Variants in MEPE observed in about 807,000 individuals in gnomAD.
MEPE encodes matrix extracellular phosphoglycoprotein, also known as matrix, extracellular phosphoglycoprotein with ASARM motif (bone).
In MEPE, 7 loss-of-function variants were observed where a neutral mutation model predicts 7.3. The observed-to-expected ratio is 0.95, with a 90% confidence interval of 0.54 to 1.79. The LOEUF (loss-of-function observed/expected upper bound fraction) is 1.79. Among genes scored for constraint, MEPE ranks in the 40% most tolerant of loss-of-function variants. The pLI is 0.00. For synonymous variants in MEPE, 214 were observed against 213.1 expected, an observed-to-expected ratio of 1.00 and a Z score of -0.04; for missense variants, 623 against 628.2, an observed-to-expected ratio of 0.99 and a Z score of 0.09.
At chr4:87,829,381 T>C (rs553275271), upstream of MEPE, among the ~76,000 whole-genome samples, 74 of 151,740 alleles carry the variant, frequency 4.9e-4, no homozygotes, top group African/African-American at 1.5e-3. Context: ...TAAAACTCTA[T>C]AAATTTTCTT....
chr4:87,839,697 G>T, intron 3 of MEPE: 3 of 1,549,554 alleles, frequency 1.9e-6, no homozygotes, highest in Non-Finnish European at 2.6e-6. Context: ...AACATACAAG[G>T]GTCACTATGA....
chr4:87,833,609 GT>G (rs1246323359), intron 1 of MEPE, among the ~76,000 whole-genome samples: 2 of 152,068 alleles, frequency 1.3e-5, no homozygotes, highest in Admixed American at 1.3e-4. Flanking sequence ...ATAAAAACAA[GT>G]TTTTCTTCAA....
At position 87,838,658 on chromosome 4, in the gene MEPE, T is replaced by C; in HGVS notation, c.81T>C (p.Thr27=). 1 of 1,613,602 alleles carries C rather than the reference T, an allele frequency of 6.2e-7. No individual in the cohort carries two copies. Among genetic ancestry groups the C allele is most frequent in the Non-Finnish European group, 8.5e-7 (1 of 1,179,612 alleles). ...APTFQPQTEK[T]KQSCVEEQRQ... is the part of the protein sequence containing the mutation. Reference sequence around the variant, plus strand: ...CATTTCAACCACAGACTGAGAAAACTAAGCAAAGCTGTGTGGAAGAGCAGA... The same window carrying C: ...CATTTCAACCACAGACTGAGAAAACCAAGCAAAGCTGTGTGGAAGAGCAGA... The change falls in exon 3 of 4, where the codon ACT becomes ACC. Residue 27 remains threonine, a synonymous_variant. Coordinates refer to ENST00000361056, the MANE Select transcript of MEPE (RefSeq NM_020203.6).
chr4:87,834,890 C>T (rs1722723945), intron 2 of MEPE, 122 bp downstream of exon 2: 1 of 783,326 alleles, frequency 1.3e-6, no homozygotes, highest in Admixed American at 2.9e-5. Context: ...TTAAAAAGAA[C>T]CAAGCAAACA....
In MEPE at chr4:87,845,685, G is replaced by A. The variant is rs149160298; in HGVS notation, c.817G>A (p.Gly273Ser). ...KDIPGKGEAT[G>S]PDLEGKDIQT... ...CATTCCTGGTAAAGGAGAAGCTACT[G>A]GTCCTGACCTAGAAGGCAAAGATAT... is the stretch of plus-strand genomic sequence containing the variant. Residue 273 changes from glycine (G) to serine (S), a missense_variant, in exon 4 of 4, where the codon GGT becomes AGT. Coordinates refer to ENST00000361056, the MANE Select transcript of MEPE (RefSeq NM_020203.6). 29 of 1,613,634 alleles carry A rather than the reference G, an allele frequency of 1.8e-5. No homozygotes were observed. The highest frequency in any genetic ancestry group is 1.5e-4 in the Admixed American group (9 of 59,930).
At chr4:87,829,317 C>G (rs1435557589), upstream of MEPE, among the ~76,000 whole-genome samples, 1 of 152,050 alleles carries the variant, frequency 6.6e-6, no homozygotes, top group African/African-American at 2.4e-5. Flanking sequence ...GTATATTTAG[C>G]TACTGCCAGT....
intron 3 of MEPE, among the ~76,000 whole-genome samples, chr4:87,843,096 C>T (rs569717794): frequency 6.6e-6 from 1 of 152,228 alleles, no homozygotes; most frequent in East Asian, 1.9e-4. Context: ...GCTTGGGCAC[C>T]AGAAGAAGGG....
chr4:87,845,162 A>G lies in MEPE; in HGVS notation c.294A>G (p.Lys98=). 1.9e-6 allele frequency: 3 copies of G among 1,613,752 alleles called. No homozygotes were observed. The highest frequency in any genetic ancestry group is 1.1e-5 in the South Asian group (1 of 91,002). Residue 98 remains lysine, a synonymous_variant, in exon 4 of 4, where the codon AAA becomes AAG. Coordinates refer to ENST00000361056, the MANE Select transcript of MEPE (RefSeq NM_020203.6). Reference sequence around the variant, plus strand: ...TCACAAATAGACAGAGACTGAATAAAGAATATAGTATCAGTAACAAAGAGA... The same window carrying G: ...TCACAAATAGACAGAGACTGAATAAGGAATATAGTATCAGTAACAAAGAGA... ...NYFTNRQRLN[K]EYSISNKENT... is the part of the protein sequence containing the mutation.
rs1367814174 is a variant in MEPE at position 87,846,708 on chromosome 4, T to C, written c.*262T>C. On this transcript the variant is annotated 3_prime_UTR_variant, in exon 4 of 4. Transcript: ENST00000361056. ...TAGGTAACATTTGAGTAGGTGTCAT[T>C]TAAAAATAGTTGGTGAATGTCACAA... The C allele has an allele frequency of 1.0e-5, 4 of 383,318 alleles. No homozygotes were observed. Among genetic ancestry groups the C allele is most frequent in the Non-Finnish European group, 1.9e-5 (4 of 215,400 alleles). The allele number at this position is 383,318 out of a possible 1,614,324, so 23.7% of individuals were successfully genotyped here.
chr4:87,835,931 G>A (rs1374612245), intron 2 of MEPE, among the ~76,000 whole-genome samples: 1 of 152,068 alleles, frequency 6.6e-6, no homozygotes, highest in Non-Finnish European at 1.5e-5. Context: ...TTGATTCAGT[G>A]ACCACTGATC....
intron 3 of MEPE, among the ~76,000 whole-genome samples, chr4:87,843,343 G>T (rs1014149156): frequency 1.3e-5 from 2 of 152,104 alleles, no homozygotes; most frequent in Non-Finnish European, 2.9e-5. Context: ...CACTCTGTTT[G>T]TCTGTGCAGA....
At chr4:87,824,402 C>G (rs1468083053) in intron 1 of MEPE, among the ~76,000 whole-genome samples, 1 of 152,222 alleles carries the variant, frequency 6.6e-6, no homozygotes, top group East Asian at 1.9e-4. Context: ...CTTGCTGTGC[C>G]TAGGTCCTGG....
At chr4:87,830,434 T>C (rs1463943805), upstream of MEPE, among the ~76,000 whole-genome samples, 5 of 152,300 alleles carry the variant, frequency 3.3e-5, no homozygotes, top group South Asian at 1.0e-3. Flanking sequence ...TGTGGGAACA[T>C]GGCTGGAGCT....
rs1255829854 is a variant in MEPE at position 87,826,397 on chromosome 4, TG to T, written c.-13+4927del. On this transcript the variant is annotated intron_variant, in intron 1 of 3. Transcript: ENST00000424957. ...CCACAACAGTTTTTTTTTTTGTTTT[TG>T]TTTTTTGTTTTTGTTTTTTTTTGCT... Among the ~76,000 whole-genome samples, 50 of 151,832 alleles carry T rather than the reference TG, an allele frequency of 3.3e-4. No homozygotes were observed. In the South Asian group the frequency reaches 0.01, roughly 31 times the overall value.
rs557652905 is a variant in MEPE at position 87,837,455 on chromosome 4, A to G, written c.55-1177A>G. Among the ~76,000 whole-genome samples, 8 of 152,300 alleles carry G rather than the reference A, an allele frequency of 5.3e-5. No homozygotes were observed. The South Asian group carries it at 1.7e-3, about 32-fold the overall frequency. On this transcript the variant is annotated intron_variant, in intron 2 of 3. Coordinates refer to ENST00000361056, the MANE Select transcript of MEPE (RefSeq NM_020203.6). The stretch of plus-strand genomic sequence containing the variant: ...GGAATCAGTTCAGATTGAGCTGGAG[A>G]TACAAAGGAGCTGAGAGCAAGCAGG...
intron 3 of MEPE, 68 bp downstream of exon 3, chr4:87,838,753 A>C: frequency 2.1e-6 from 3 of 1,399,304 alleles, no homozygotes; most frequent in Non-Finnish European, 3.0e-6. Context: ...GTAAGAGAAA[A>C]GTGTAACTGT....
At position 87,845,342 on chromosome 4, in the gene MEPE, G is replaced by A. The variant is rs1190293804; in HGVS notation, c.474G>A (p.Val158=). The A allele has an allele frequency of 1.2e-6, 2 of 1,613,900 alleles. No individual in the cohort carries two copies. Among genetic ancestry groups the A allele is most frequent in the South Asian group, 1.1e-5 (1 of 91,070 alleles). The stretch of plus-strand genomic sequence containing the variant: ...ACATGCAACATATAATGGGGCCAGT[G>A]ACTGCGATTAAACTCCTGGGGGAAG... ...RNNMQHIMGP[V]TAIKLLGEEN... is the part of the protein sequence containing the mutation. The change falls in exon 4 of 4, where the codon GTG becomes GTA. Residue 158 remains valine, a synonymous_variant. Coordinates refer to ENST00000361056, the MANE Select transcript of MEPE (RefSeq NM_020203.6).
At chr4:87,839,992 T>C in intron 3 of MEPE, 1 of 1,535,398 alleles carries the variant, frequency 6.5e-7, no homozygotes. Flanking sequence ...ATCCCATGCC[T>C]CGGCCCACAT....
chr4:87,824,043 T>C (rs1722405645), intron 1 of MEPE, among the ~76,000 whole-genome samples: 2 of 152,330 alleles, frequency 1.3e-5, no homozygotes, highest in African/African-American at 4.8e-5. Context: ...TATCTCATGG[T>C]TCCCAGGGTC....
Sources: allele counts gnomAD v4.1 joint callset (sites outside exome capture counted in the v4.1 genomes callset), GRCh38; gene constraint gnomAD v4.1.1; transcripts MANE v1.5; gene names NCBI Gene and HGNC (gene_info 2026-07-23, HGNC 2026-07-21).